Variants in PHACTR3 observed in about 807,000 individuals in gnomAD.
PHACTR3 encodes the protein protein phosphatase 1, regulatory subunit 123.
Under a neutral mutation model 66.8 loss-of-function variants are expected in PHACTR3, and 16 were observed. The ratio of observed to expected loss-of-function variants is 0.24; its 90% CI spans 0.16 to 0.36. The LOEUF (loss-of-function observed/expected upper bound fraction) is 0.36. PHACTR3 is among the 10% of genes least tolerant of loss of function. PHACTR3 has a pLI of 1.00. For missense variants in PHACTR3, 647 were observed against 719.9 expected (o/e 0.90, Z 1.16); for synonymous variants, 323 against 292.1 (o/e 1.11, Z -1.08).
At chr20:59,674,579 TCCCCCC>T (rs2036336475) in intron 1 of PHACTR3, among the ~76,000 whole-genome samples, 3 of 33,544 alleles carry the variant, frequency 8.9e-5, no homozygotes, top group Admixed American at 3.4e-4. Flanking sequence ...CTTCTCCTGT[TCCCCCC>T]TTCTCCTGTC....
At chr20:59,581,917 C>G (rs1048016860) in intron 1 of PHACTR3, among the ~76,000 whole-genome samples, 2 of 151,644 alleles carry the variant, frequency 1.3e-5, no homozygotes, top group African/African-American at 4.9e-5. Context: ...GTAGTTGGGA[C>G]TCCATAAATA....
chr20:59,667,264 A>G (rs1472830469), intron 1 of PHACTR3, among the ~76,000 whole-genome samples: 1 of 152,146 alleles, frequency 6.6e-6, no homozygotes, highest in Non-Finnish European at 1.5e-5. Context: ...AAATCAACCA[A>G]CCCTCTAGCC....
intron 8 of PHACTR3, among the ~76,000 whole-genome samples, chr20:59,828,054 C>G (rs529515544): frequency 6.6e-6 from 1 of 152,344 alleles, no homozygotes; most frequent in Admixed American, 6.5e-5. Context: ...ACTGGCCCCC[C>G]ATTCCACTTG....
intron 8 of PHACTR3, among the ~76,000 whole-genome samples, chr20:59,808,034 G>A (rs1190140287): frequency 1.3e-5 from 2 of 152,194 alleles, no homozygotes; most frequent in East Asian, 3.9e-4. Context: ...AGGACAGAGT[G>A]GAGCTGCTGC....
intron 11 of PHACTR3, among the ~76,000 whole-genome samples, chr20:59,841,926 G>A (rs560951358): frequency 4.9e-4 from 75 of 152,222 alleles, no homozygotes; most frequent in Admixed American, 3.5e-3. Context: ...TAAATCAAAG[G>A]TGGGCAAGGC....
intron 4 of PHACTR3, 33 bp from the exon 5 acceptor site, chr20:59,767,153 T>C (rs771609553): frequency 1.2e-6 from 2 of 1,611,072 alleles, no homozygotes; most frequent in South Asian, 2.2e-5. Flanking sequence ...AGAGGAAACA[T>C]GTTTTTAACT....
chr20:59,649,268 T>G lies in PHACTR3; in HGVS notation c.118+44136T>G, dbSNP rs191427577. On this transcript the variant is annotated intron_variant, in intron 1 of 12. Transcript: ENST00000371015. ...ATGGTAATGGTTAGGGCAAAACAAC[T>G]CTATTTAATTCTTGATGCTTATGGA... Among the ~76,000 whole-genome samples the G allele has an allele frequency of 3.9e-3, 596 of 152,318 alleles. 6 individuals carry two copies. The highest frequency in any genetic ancestry group is 0.025 in the Admixed American group (382 of 15,284).
rs1381224017 is a variant in PHACTR3, at chr20:59,738,906, C to T, written c.119-4201C>T. On this transcript the variant is annotated intron_variant, in intron 1 of 12. Transcript: ENST00000371015. This position sits in a 1 kb window ranked among gnomAD's most constrained non-coding sequence, Gnocchi z 4.4. Reference sequence around the variant, plus strand: ...GGGAGACCTAGCCCATCCTTCCCCTCGTGCAAAGCATGCTCAGGACAGCAG... The same window carrying T: ...GGGAGACCTAGCCCATCCTTCCCCTTGTGCAAAGCATGCTCAGGACAGCAG... Among the ~76,000 whole-genome samples, 6 of 152,266 alleles carry T rather than the reference C, an allele frequency of 3.9e-5. No individual in the cohort carries two copies. Among genetic ancestry groups the T allele is most frequent in the East Asian group, 1.9e-4 (1 of 5,184 alleles).
At chr20:59,755,472 T>G in intron 4 of PHACTR3, 108 bp downstream of exon 4, 1 of 1,273,882 alleles carries the variant, frequency 7.9e-7, no homozygotes, top group Non-Finnish European at 1.1e-6. Flanking sequence ...AACATTGTTC[T>G]CCAGAGAGCT....
chr20:59,773,052 T>C (rs1399227260), intron 5 of PHACTR3, among the ~76,000 whole-genome samples: 2 of 152,160 alleles, frequency 1.3e-5, no homozygotes, highest in African/African-American at 2.4e-5. Flanking sequence ...CTGCAAGGCT[T>C]GGCCCCTAAC....
Position 59,654,905 on chromosome 20 carries a change from G to GTGTGTA in PHACTR3, c.118+49779_118+49784dup, listed in dbSNP as rs1479426053. On this transcript the variant is annotated intron_variant, in intron 1 of 12. Coordinates refer to ENST00000371015, the MANE Select transcript of PHACTR3 (RefSeq NM_080672.5). The stretch of plus-strand genomic sequence containing the variant: ...ATTCATTCAGTGTGTGTATGTGTGT[G>GTGTGTA]TGTGTATGTGTTGGTTTCTTTGTTT... Among the ~76,000 whole-genome samples the GTGTGTA allele has an allele frequency of 2.0e-5, 3 of 152,200 alleles. No individual in the cohort carries two copies. The East Asian group carries it at 5.8e-4, about 29-fold the overall frequency.
At chr20:59,774,562 A>G (rs2040461800) in intron 7 of PHACTR3, 72 bp downstream of exon 7, 12 of 1,545,500 alleles carry the variant, frequency 7.8e-6, no homozygotes, top group South Asian at 1.3e-5. Context: ...GGTCGAGGAC[A>G]GAGCTCGTGC....
intron 1 of PHACTR3, among the ~76,000 whole-genome samples, chr20:59,686,960 TG>T (rs1201391805): frequency 6.6e-6 from 1 of 151,754 alleles, no homozygotes; most frequent in Non-Finnish European, 1.5e-5. Flanking sequence ...ATTGTGATGA[TG>T]ATGGTGATTG....
At chr20:59,588,119 T>A (rs990448710) in intron 1 of PHACTR3, among the ~76,000 whole-genome samples, 1 of 152,206 alleles carries the variant, frequency 6.6e-6, no homozygotes, top group Non-Finnish European at 1.5e-5. Flanking sequence ...CTGTCCTTAC[T>A]GTGGGTAAGT....
At chr20:59,691,632 TGTTTA>T (rs2037111662) in intron 1 of PHACTR3, among the ~76,000 whole-genome samples, 1 of 152,198 alleles carries the variant, frequency 6.6e-6, no homozygotes, top group African/African-American at 2.4e-5. Context: ...TAGTTCTTCT[TGTTTA>T]TTTTTTATAT....
intron 8 of PHACTR3, among the ~76,000 whole-genome samples, chr20:59,811,223 C>T (rs11905826): frequency 1.3e-5 from 2 of 152,224 alleles, no homozygotes; most frequent in African/African-American, 2.4e-5. Flanking sequence ...ATTCTAGACA[C>T]GAAAGCACTG....
chr20:59,657,667 T>C (rs535101125), intron 1 of PHACTR3, among the ~76,000 whole-genome samples: 213 of 152,302 alleles, frequency 1.4e-3, no homozygotes, highest in African/African-American at 4.9e-3. Context: ...GATAGAAGTC[T>C]GCTGTTAATC....
At chr20:59,625,497 C>T (rs1343872395) in intron 1 of PHACTR3, among the ~76,000 whole-genome samples, 3 of 152,126 alleles carry the variant, frequency 2.0e-5, no homozygotes, top group Non-Finnish European at 4.4e-5. Context: ...CTATTCATGG[C>T]CCTCTCCCAA....
At chr20:59,631,682 T>C (rs2034671518) in intron 1 of PHACTR3, among the ~76,000 whole-genome samples, 1 of 152,190 alleles carries the variant, frequency 6.6e-6, no homozygotes, top group Non-Finnish European at 1.5e-5. Flanking sequence ...AGAAATGGAA[T>C]TTCAAATCCA....
Sources: allele counts gnomAD v4.1 joint callset (sites outside exome capture counted in the v4.1 genomes callset), GRCh38; gene constraint gnomAD v4.1.1; non-coding constraint Gnocchi (gnomAD v3.1); transcripts MANE v1.5; gene names NCBI Gene and HGNC (gene_info 2026-07-23, HGNC 2026-07-21).